Variants in COX15 observed in about 807,000 individuals in gnomAD.
The protein encoded by COX15 is heme A synthase COX15.
In COX15, 51 loss-of-function variants were observed where a neutral mutation model predicts 51.9. The ratio of observed to expected loss-of-function variants is 0.98; its 90% CI spans 0.78 to 1.24. The LOEUF is 1.24. Among genes scored for constraint, COX15 ranks in the 50% most tolerant of loss-of-function variants. COX15 has a pLI of 0.00. For missense variants in COX15, 420 were observed against 501.1 expected, an observed-to-expected ratio of 0.84 and a Z score of 1.55; for synonymous variants, 188 against 190.5, an observed-to-expected ratio of 0.99 and a Z score of 0.11.
chr10:99,708,569 G>A (rs2036296680), downstream of COX15, among the ~76,000 whole-genome samples: 1 of 152,108 alleles, frequency 6.6e-6, no homozygotes, highest in Non-Finnish European at 1.5e-5. Context: ...CAGAAGACAA[G>A]GTAGAAAAAT....
intron 1 of COX15, among the ~76,000 whole-genome samples, 188 bp downstream of exon 1, chr10:99,731,772 A>T (rs1233216166): frequency 6.6e-6 from 1 of 152,248 alleles, no homozygotes; most frequent in Non-Finnish European, 1.5e-5. Context: ...AGTTTAATTA[A>T]CTTGGCCAAT....
rs1363770996 is a variant in COX15 at position 99,726,987 on chromosome 10, C to CAGAG, written c.559_562dup (p.Cys188SerfsTer28). ...TCTTACCTGGAAGCAGACGAGGCCACAGAGGGCAAGAACACGTCCTTTCAT... is the reference window on the plus strand; with the variant it reads ...TCTTACCTGGAAGCAGACGAGGCCACAGAGAGAGGGCAAGAACACGTCCTTTCAT... On this transcript the variant is annotated frameshift_variant, in exon 4 of 9. Coordinates refer to ENST00000016171, the MANE Select transcript of COX15 (RefSeq NM_078470.6). LOFTEE classifies it high-confidence loss of function. The CAGAG allele has an allele frequency of 6.2e-7, 1 of 1,613,874 alleles. No homozygotes were observed. Among genetic ancestry groups the CAGAG allele is most frequent in the Admixed American group, 1.7e-5 (1 of 60,012 alleles).
At chr10:99,723,452 T>TA (rs1277859056) in intron 5 of COX15, among the ~76,000 whole-genome samples, 3 of 151,804 alleles carry the variant, frequency 2.0e-5, no homozygotes, top group South Asian at 4.2e-4. Flanking sequence ...AAGACTCATT[T>TA]AAAAAAAAAT....
Position 99,713,098 on chromosome 10 carries a change from G to A in COX15, c.*1489C>T. On this transcript the variant is annotated 3_prime_UTR_variant, in exon 9 of 9. Coordinates refer to ENST00000016171, the MANE Select transcript of COX15 (RefSeq NM_078470.6). Reference sequence around the variant, plus strand: ...CCAGAGTGAAATGCAGTATGTTAGGGGTATTTTGACTATGGCTGTGACACT... The same window carrying A: ...CCAGAGTGAAATGCAGTATGTTAGGAGTATTTTGACTATGGCTGTGACACT... 8.1e-7 allele frequency: 1 copy of A among 1,233,670 alleles called. No individual in the cohort carries two copies. Among genetic ancestry groups the A allele is most frequent in the Non-Finnish European group, 1.0e-6 (1 of 976,154 alleles). The allele number at this position is 1,233,670 out of a possible 1,614,324, so 76.4% of individuals were successfully genotyped here.
At chr10:99,707,148 CT>C (rs1173463994), downstream of COX15, among the ~76,000 whole-genome samples, 1 of 152,068 alleles carries the variant, frequency 6.6e-6, no homozygotes, top group Non-Finnish European at 1.5e-5. Context: ...ATATGTATTT[CT>C]TATTCTTATT....
intron 6 of COX15, among the ~76,000 whole-genome samples, chr10:99,719,809 AATGTCCCTT>A (rs1410592583): frequency 1.3e-5 from 2 of 152,162 alleles, no homozygotes; most frequent in Admixed American, 6.5e-5. Flanking sequence ...ATTTTTTTTA[AATGTCCCTT>A]ATGAAGTAAA....
In COX15 at chr10:99,713,303, T is replaced by C. The variant is rs537366039; in HGVS notation, c.*1284A>G. 6.9e-5 allele frequency: 108 copies of C among 1,569,988 alleles called. No homozygotes were observed. In the African/African-American group the frequency reaches 9.0e-4, roughly 13 times the overall value. On this transcript the variant is annotated 3_prime_UTR_variant, in exon 9 of 9. Coordinates refer to ENST00000016171, the MANE Select transcript of COX15 (RefSeq NM_078470.6). ...ACAACTTATTTAATTTAAATGAGTATGTTACATTTCTAATCTGTTTAATTT... is the reference window on the plus strand; with the variant it reads ...ACAACTTATTTAATTTAAATGAGTACGTTACATTTCTAATCTGTTTAATTT...
At chr10:99,694,526 A>G in the COX15 span, among the ~76,000 whole-genome samples, 4 of 136,808 alleles carry the variant, frequency 2.9e-5, no homozygotes, top group Admixed American at 2.5e-4. Flanking sequence ...TTCTATGTAC[A>G]TAAGTTTTTT....
the COX15 span, chr10:99,699,003 A>T: frequency 5.5e-6 from 4 of 722,924 alleles, no homozygotes; most frequent in African/African-American, 7.1e-5. Flanking sequence ...CATTTTACAG[A>T]TGAGGAAGTG....
At chr10:99,731,918 CA>C in intron 1 of COX15, 41 bp downstream of exon 1, 1 of 1,574,780 alleles carries the variant, frequency 6.4e-7, no homozygotes, top group Non-Finnish European at 8.6e-7. Context: ...CCTTTCACTC[CA>C]TCCCCGCTCC....
rs990733556 is a variant in COX15 at position 99,712,729 on chromosome 10, C to T, written c.*1858G>A. On this transcript the variant is annotated 3_prime_UTR_variant, in exon 9 of 9. Transcript: ENST00000016171. ...AGCAGTATAGTCCGAGCTGGGGCAC[C>T]TGCTCGCCAGTGTTACTGTCTCCAT... 3.6e-6 allele frequency: 2 copies of T among 551,282 alleles called. No homozygotes were observed. Among genetic ancestry groups the T allele is most frequent in the Non-Finnish European group, 4.6e-6 (2 of 433,566 alleles). The allele number at this position is 551,282 out of a possible 1,614,324, so 34.1% of individuals were successfully genotyped here. A position where few individuals can be genotyped will look rare whatever the true frequency, so the allele number is the denominator to read the frequency against.
the COX15 span, among the ~76,000 whole-genome samples, chr10:99,695,658 A>G: frequency 6.6e-6 from 1 of 152,366 alleles, no homozygotes; most frequent in East Asian, 1.9e-4. Context: ...TGGAAAATAC[A>G]GAAAAATACA....
At position 99,713,401 on chromosome 10, in the gene COX15, C is replaced by CTCCA; in HGVS notation, c.*1182_*1185dup. ...CTATTATATTAGCAATATTGGGTTG[C>CTCCA]TCCATCCTCAAATCAGATGTTTCTG... On this transcript the variant is annotated 3_prime_UTR_variant, in exon 9 of 9. Transcript: ENST00000016171. 1 of 1,613,930 alleles carries CTCCA rather than the reference C, an allele frequency of 6.2e-7. No homozygotes were observed.
the COX15 span, among the ~76,000 whole-genome samples, chr10:99,698,277 A>G: frequency 3.9e-5 from 6 of 152,198 alleles, no homozygotes; most frequent in East Asian, 1.9e-4. Context: ...CACATCTCCA[A>G]TTTCACTACA....
chr10:99,698,347 C>T, the COX15 span, among the ~76,000 whole-genome samples: 1 of 152,034 alleles, frequency 6.6e-6, no homozygotes, highest in Non-Finnish European at 1.5e-5. Flanking sequence ...ATATTCCTCT[C>T]TTTTTTTTCT....
chr10:99,727,653 T>G, intron 2 of COX15, 90 bp from the exon 3 acceptor site: 1 of 1,425,936 alleles, frequency 7.0e-7, no homozygotes, highest in Non-Finnish European at 9.8e-7. Context: ...GAACTTAACC[T>G]TGTTAAAGGT....
At chr10:99,730,678 G>A (rs1014985951) in intron 1 of COX15, among the ~76,000 whole-genome samples, 1 of 152,094 alleles carries the variant, frequency 6.6e-6, no homozygotes, top group Non-Finnish European at 1.5e-5. Context: ...CTATAAATCT[G>A]TATGGCATAT....
chr10:99,710,254 T>G (rs2036339334), downstream of COX15: 2 of 985,382 alleles, frequency 2.0e-6, no homozygotes, highest in South Asian at 9.4e-5. Context: ...TTCATAAATG[T>G]TTTTCTGCAA....
intron 7 of COX15, among the ~76,000 whole-genome samples, chr10:99,717,906 T>A (rs2036626076): frequency 6.6e-6 from 1 of 152,128 alleles, no homozygotes; most frequent in Admixed American, 6.5e-5. Flanking sequence ...ACATATTCGC[T>A]TAAATAGAAT....
Sources: allele counts gnomAD v4.1 joint callset (sites outside exome capture counted in the v4.1 genomes callset), GRCh38; gene constraint gnomAD v4.1.1; transcripts MANE v1.5; gene names NCBI Gene and HGNC (gene_info 2026-07-23, HGNC 2026-07-21).